Variants in CDH13 observed in about 807,000 individuals in gnomAD.
The protein encoded by CDH13 is cadherin 13, also known as cadherin-13.
CDH13 carries 24 observed loss-of-function variants against 63.8 expected under a neutral mutation model. The ratio of observed to expected loss-of-function variants is 0.38; its 90% CI spans 0.27 to 0.53. The LOEUF is 0.53. Among genes scored for constraint, CDH13 ranks in the 20% least tolerant of loss-of-function variants. CDH13 has a pLI of 0.85. For synonymous variants in CDH13, 503 were observed against 355.3 expected, an observed-to-expected ratio of 1.42 and a Z score of -4.67; for missense variants, 1,049 against 903.1, an observed-to-expected ratio of 1.16 and a Z score of -2.07.
chr16:83,000,280 C>CTTTTTTTTTTTTT (rs1555558538), intron 2 of CDH13, among the ~76,000 whole-genome samples: 2 of 50,510 alleles, frequency 4.0e-5, no homozygotes, highest in Non-Finnish European at 7.4e-5. Context: ...AGAGTTTTTC[C>CTTTTTTTTTTTTT]TCTTGTTGCC....
chr16:83,072,009 C>G (rs1461571264), intron 3 of CDH13, among the ~76,000 whole-genome samples: 1 of 151,956 alleles, frequency 6.6e-6, no homozygotes, highest in Non-Finnish European at 1.5e-5. Context: ...CTTGGATAAG[C>G]TTTTAAAAAC....
At chr16:83,342,583 T>G (rs2090749398) in intron 5 of CDH13, among the ~76,000 whole-genome samples, 2 of 152,212 alleles carry the variant, frequency 1.3e-5, no homozygotes, top group Non-Finnish European at 2.9e-5. Context: ...ATAATTGGTT[T>G]TCTGAGATTC....
chr16:82,891,715 T>C (rs2041087090), intron 2 of CDH13, among the ~76,000 whole-genome samples: 1 of 152,188 alleles, frequency 6.6e-6, no homozygotes, highest in African/African-American at 2.4e-5. Flanking sequence ...CTTACTGTCG[T>C]GGTTCTCACC....
chr16:82,696,796 A>G lies in CDH13; in HGVS notation c.45+69659A>G, dbSNP rs189478302. On this transcript the variant is annotated intron_variant, in intron 1 of 13. Transcript: ENST00000567109. ...CAAGTATTATTACAGAAACATTGCA[A>G]TGAGGTACTTGTAGTTCAGAGTCTT... Among the ~76,000 whole-genome samples the G allele has an allele frequency of 1.4e-4, 21 of 152,330 alleles. 1 individual carries two copies. The highest frequency in any genetic ancestry group is 3.4e-3 in the Middle Eastern group (1 of 294).
chr16:82,837,203 C>T (rs1057439628), intron 1 of CDH13, among the ~76,000 whole-genome samples: 7 of 152,088 alleles, frequency 4.6e-5, no homozygotes, highest in African/African-American at 7.2e-5. Flanking sequence ...TCAGGCTCAG[C>T]GGGGTGACCT....
chr16:83,445,288 G>GCTTTTATAATTTATAAAA (rs1442414777), intron 6 of CDH13, among the ~76,000 whole-genome samples: 1,880 of 135,988 alleles, frequency 0.014, 45 homozygotes, highest in Non-Finnish European at 0.022. Context: ...ATTTATAAAA[G>GCTTTTATAATTTATAAAA]GTTTTATAAA....
At chr16:82,755,028 T>A (rs1047685311) in intron 1 of CDH13, among the ~76,000 whole-genome samples, 4 of 152,226 alleles carry the variant, frequency 2.6e-5, no homozygotes, top group African/African-American at 9.6e-5. Flanking sequence ...TCATCAGAAG[T>A]GTGCAGATGT....
intron 8 of CDH13, among the ~76,000 whole-genome samples, chr16:83,624,512 T>A (rs1910105661): frequency 6.6e-6 from 1 of 152,150 alleles, no homozygotes; most frequent in Admixed American, 6.5e-5. Flanking sequence ...ACGTGCAGCC[T>A]GGATCCCTCT....
intron 1 of CDH13, among the ~76,000 whole-genome samples, chr16:82,656,781 T>C (rs1341211394): frequency 6.6e-6 from 1 of 152,228 alleles, no homozygotes; most frequent in Non-Finnish European, 1.5e-5. Flanking sequence ...CCGATCTTTC[T>C]TCTATTTCCA....
intron 11 of CDH13, among the ~76,000 whole-genome samples, chr16:83,750,570 A>G (rs542548976): frequency 6.6e-6 from 1 of 152,314 alleles, no homozygotes; most frequent in East Asian, 1.9e-4. Flanking sequence ...ATGCTGGAGT[A>G]AGGTGGGCCC....
chr16:83,330,214 C>A (rs1006963249), intron 5 of CDH13, among the ~76,000 whole-genome samples: 1 of 152,172 alleles, frequency 6.6e-6, no homozygotes, highest in Non-Finnish European at 1.5e-5. Flanking sequence ...TAAACACACA[C>A]ACACATGCAC....
In CDH13 at chr16:82,872,091, C is replaced by T. The variant is rs903910572; in HGVS notation, c.157+13618C>T. Among the ~76,000 whole-genome samples the T allele has an allele frequency of 4.6e-5, 7 of 152,336 alleles. 1 individual carries two copies. In the South Asian group the frequency reaches 1.4e-3, roughly 32 times the overall value. On this transcript the variant is annotated intron_variant, in intron 2 of 13. Coordinates refer to ENST00000567109, the MANE Select transcript of CDH13 (RefSeq NM_001257.5). ...TGATGCTGGGCTGGCAAAAGTCAGA[C>T]AGTCCGTTCTAAGGGTATTGTGCTC...
chr16:83,422,544 G>C (rs1194885942), intron 6 of CDH13, among the ~76,000 whole-genome samples: 1 of 152,138 alleles, frequency 6.6e-6, no homozygotes, highest in Non-Finnish European at 1.5e-5. Flanking sequence ...TAATACTTAC[G>C]ATAAATGTCT....
chr16:83,011,242 A>G (rs1221200240), intron 2 of CDH13, among the ~76,000 whole-genome samples: 2 of 152,132 alleles, frequency 1.3e-5, no homozygotes, highest in Admixed American at 6.5e-5. Context: ...TTCTCCCTCT[A>G]TTAAGTGGAG....
At chr16:83,626,927 C>G (rs1392338360) in intron 8 of CDH13, among the ~76,000 whole-genome samples, 4 of 152,118 alleles carry the variant, frequency 2.6e-5, no homozygotes, top group Non-Finnish European at 5.9e-5. Flanking sequence ...TGACAACATC[C>G]TAGAGCATCT....
chr16:83,176,216 T>C (rs575663676), intron 4 of CDH13, among the ~76,000 whole-genome samples: 78 of 151,866 alleles, frequency 5.1e-4, no homozygotes, highest in Non-Finnish European at 5.9e-4. Context: ...TAAAACGTTG[T>C]ACTTAAAGAT....
At position 83,338,261 on chromosome 16, in the gene CDH13, T is replaced by G. The variant is rs918768; in HGVS notation, c.637-6601T>G. Among the ~76,000 whole-genome samples, 156 of 151,884 alleles carry G rather than the reference T, an allele frequency of 1.0e-3. 1 individual carries two copies. Among genetic ancestry groups the G allele is most frequent in the South Asian group, 3.5e-3 (17 of 4,810 alleles). On this transcript the variant is annotated intron_variant, in intron 5 of 13. Transcript: ENST00000567109. Reference sequence around the variant, plus strand: ...TTACCACTGGGATTCTTCTTCATCATTTAAGGCTACAGAGTCCACCAGCCT... The same window carrying G: ...TTACCACTGGGATTCTTCTTCATCAGTTAAGGCTACAGAGTCCACCAGCCT...
chr16:83,662,596 T>C (rs1224273579), intron 8 of CDH13, among the ~76,000 whole-genome samples: 1 of 152,216 alleles, frequency 6.6e-6, no homozygotes, highest in Non-Finnish European at 1.5e-5. Context: ...CTCTAAAGCC[T>C]GAAGACAGGC....
intron 5 of CDH13, among the ~76,000 whole-genome samples, chr16:83,312,457 A>T (rs565083120): frequency 6.6e-6 from 1 of 152,182 alleles, no homozygotes; most frequent in Non-Finnish European, 1.5e-5. Context: ...GGCAGAACCA[A>T]TGGAATAAGT....
Sources: allele counts gnomAD v4.1 joint callset (sites outside exome capture counted in the v4.1 genomes callset), GRCh38; gene constraint gnomAD v4.1.1; transcripts MANE v1.5; gene names NCBI Gene and HGNC (gene_info 2026-07-23, HGNC 2026-07-21).